The following THSD7B variants were observed in gnomAD, a reference collection of about 807,000 sequenced individuals.
The protein encoded by THSD7B is thrombospondin type 1 domain containing 7B, also known as thrombospondin type-1 domain-containing protein 7B.
In THSD7B, 138 loss-of-function variants were observed where a neutral mutation model predicts 213.6. That is an observed-to-expected ratio of 0.65 (90% CI 0.56 to 0.74). The LOEUF is 0.74. Ranked by LOEUF, THSD7B falls within the 30% of genes least tolerant of loss-of-function variation. The probability of loss-of-function intolerance (pLI) is 0.00; values close to 1 mark genes in which losing one functional copy is unlikely to be tolerated. For missense variants in THSD7B, 1,931 were observed against 1,991.5 expected, an observed-to-expected ratio of 0.97 and a Z score of 0.58; for synonymous variants, 742 against 687.0, an observed-to-expected ratio of 1.08 and a Z score of -1.25.
At chr2:137,473,915 C>A (rs1364026317) in intron 15 of THSD7B, among the ~76,000 whole-genome samples, 1 of 152,130 alleles carries the variant, frequency 6.6e-6, no homozygotes, top group Non-Finnish European at 1.5e-5. Flanking sequence ...ATAGGAACTC[C>A]TGAAAGTGGG....
chr2:137,118,783 C>A (rs1025505249), intron 5 of THSD7B, among the ~76,000 whole-genome samples: 2 of 152,062 alleles, frequency 1.3e-5, no homozygotes, highest in African/African-American at 4.8e-5. Flanking sequence ...TAAAGGCATA[C>A]CTGAGACTGG....
intron 3 of THSD7B, among the ~76,000 whole-genome samples, chr2:137,089,090 C>A (rs1347703547): frequency 6.6e-6 from 1 of 151,996 alleles, no homozygotes; most frequent in Non-Finnish European, 1.5e-5. Flanking sequence ...AAAAGTAGAA[C>A]TATGATTTGA....
At chr2:137,656,666 A>C in intron 22 of THSD7B, 130 bp from the exon 23 acceptor site, 1 of 753,196 alleles carries the variant, frequency 1.3e-6, no homozygotes, top group Non-Finnish European at 2.0e-6. Context: ...AAAATTGATC[A>C]ATATAGAATG....
chr2:137,485,515 C>T (rs1025910042), intron 15 of THSD7B, among the ~76,000 whole-genome samples: 4 of 152,064 alleles, frequency 2.6e-5, no homozygotes, highest in South Asian at 2.1e-4. Flanking sequence ...GCCAAATCTA[C>T]GTCTGATTGG....
intron 17 of THSD7B, among the ~76,000 whole-genome samples, chr2:137,583,409 T>G (rs1681631429): frequency 6.6e-6 from 1 of 152,232 alleles, no homozygotes; most frequent in Non-Finnish European, 1.5e-5. Context: ...ACGAAGTCCT[T>G]GCCCATGCCT....
At chr2:137,465,902 A>G (rs1687982648) in intron 15 of THSD7B, among the ~76,000 whole-genome samples, 2 of 152,172 alleles carry the variant, frequency 1.3e-5, no homozygotes, top group African/African-American at 2.4e-5. Flanking sequence ...AGGTGGGGAA[A>G]GACCTTACCT....
intron 12 of THSD7B, among the ~76,000 whole-genome samples, chr2:137,336,737 T>G (rs555663026): frequency 5.3e-5 from 8 of 152,256 alleles, no homozygotes; most frequent in African/African-American, 1.9e-4. Flanking sequence ...ACTGGAGTTA[T>G]GTAGCTACTT....
chr2:137,064,060 A>C (rs550690475), intron 3 of THSD7B, among the ~76,000 whole-genome samples: 1 of 151,944 alleles, frequency 6.6e-6, no homozygotes, highest in African/African-American at 2.4e-5. Context: ...CGGTAGCTCT[A>C]TTTTTAGTTT....
intron 1 of THSD7B, among the ~76,000 whole-genome samples, chr2:136,776,688 T>A (rs1056199516): frequency 6.6e-6 from 1 of 152,262 alleles, no homozygotes; most frequent in African/African-American, 2.4e-5. Context: ...GCACCTGAAA[T>A]AGCAAAGTAG....
At chr2:137,514,850 A>G (rs1038871867) in intron 15 of THSD7B, among the ~76,000 whole-genome samples, 20 of 152,192 alleles carry the variant, frequency 1.3e-4, no homozygotes, top group African/African-American at 4.8e-4. Context: ...ACCTTTGACT[A>G]TATGTGGAGA....
intron 1 of THSD7B, among the ~76,000 whole-genome samples, chr2:136,808,952 T>G (rs1481805988): frequency 1.3e-5 from 2 of 152,212 alleles, no homozygotes; most frequent in Non-Finnish European, 2.9e-5. Context: ...AAGCCACTGT[T>G]TATTAGAAGC....
chr2:137,548,851 G>T (rs1680788920), intron 15 of THSD7B, among the ~76,000 whole-genome samples: 1 of 151,830 alleles, frequency 6.6e-6, no homozygotes, highest in South Asian at 2.1e-4. Context: ...AAATTATATT[G>T]CTTCTTTATA....
intron 15 of THSD7B, among the ~76,000 whole-genome samples, chr2:137,503,973 G>A (rs1679774576): frequency 1.3e-5 from 2 of 150,238 alleles, no homozygotes. Context: ...GTTGCAGTGA[G>A]CCAAGATCAT....
chr2:137,393,146 CTT>C lies in THSD7B; in HGVS notation c.2501-12456_2501-12455del, dbSNP rs565002881. On this transcript the variant is annotated intron_variant, in intron 12 of 27. Coordinates refer to ENST00000409968, the MANE Select transcript of THSD7B (RefSeq NM_001316349.2). The stretch of plus-strand genomic sequence containing the variant: ...CTTGGCTGCAGGTTTTTTCTTCCAG[CTT>C]TTTTTTTTTTAATTTTTTTTTTTTA... Among the ~76,000 whole-genome samples, 49 of 139,676 alleles carry C rather than the reference CTT, an allele frequency of 3.5e-4. 1 individual carries two copies. Among genetic ancestry groups the C allele is most frequent in the Non-Finnish European group, 3.7e-4 (24 of 64,084 alleles). The allele number at this position is 139,676 out of a possible 152,430, so 91.6% of individuals were successfully genotyped here. A position where few individuals can be genotyped will look rare whatever the true frequency, so the allele number is the denominator to read the frequency against.
rs185445922 is a variant in THSD7B, at chr2:137,621,327, T to C, written c.3799+601T>C. On this transcript the variant is annotated intron_variant, in intron 20 of 27. Transcript: ENST00000409968. ...TCTATGTTTCCAACTCATTGGAAGATGGCAGGGAAGGAAATGTACTTTCTG... is the reference window on the plus strand; with the variant it reads ...TCTATGTTTCCAACTCATTGGAAGACGGCAGGGAAGGAAATGTACTTTCTG... Among the ~76,000 whole-genome samples, 62 of 152,352 alleles carry C rather than the reference T, an allele frequency of 4.1e-4. 1 individual carries two copies. The highest frequency in any genetic ancestry group is 1.5e-3 in the African/African-American group (61 of 41,584).
intron 15 of THSD7B, among the ~76,000 whole-genome samples, chr2:137,483,015 C>T (rs1688341566): frequency 1.3e-5 from 2 of 151,464 alleles, no homozygotes; most frequent in African/African-American, 2.4e-5. Flanking sequence ...TGATAGAAGT[C>T]ATGACCAAAA....
intron 7 of THSD7B, among the ~76,000 whole-genome samples, chr2:137,179,192 T>C (rs969011649): frequency 3.9e-5 from 6 of 152,186 alleles, no homozygotes; most frequent in African/African-American, 1.4e-4. Context: ...TGTGAGATTG[T>C]CACCCTTGCT....
intron 1 of THSD7B, among the ~76,000 whole-genome samples, chr2:136,778,479 G>GT (rs1183549094): frequency 6.6e-6 from 1 of 151,994 alleles, no homozygotes; most frequent in African/African-American, 2.4e-5. Context: ...CCACCTCATG[G>GT]TAGAGCCTGC....
intron 3 of THSD7B, among the ~76,000 whole-genome samples, chr2:137,083,637 G>C (rs1298622792): frequency 6.6e-6 from 1 of 152,080 alleles, no homozygotes; most frequent in Admixed American, 6.6e-5. Context: ...CATACATTCT[G>C]ATTTCCCAGA....
Sources: gnomAD v4.1 joint callset for allele counts (sites outside exome capture counted in the v4.1 genomes callset) on GRCh38, gnomAD v4.1.1 for gene constraint, MANE v1.5 for transcripts, NCBI Gene and HGNC (gene_info 2026-07-23, HGNC 2026-07-21) for gene names.